SEC14L5: variants seen among roughly 807,000 people sequenced by gnomAD.
SEC14L5 encodes the protein SEC14 like lipid binding 5.
SEC14L5 carries 96 observed loss-of-function variants against 84.6 expected under a neutral mutation model. The ratio of observed to expected loss-of-function variants is 1.13; its 90% CI spans 0.96 to 1.34. SEC14L5 has a LOEUF of 1.34. Ranked by LOEUF, SEC14L5 falls within the 40% of genes most tolerant of loss-of-function variation. The pLI is 0.00. For missense variants in SEC14L5, 1,224 were observed against 942.5 expected, an observed-to-expected ratio of 1.30 and a Z score of -3.91; for synonymous variants, 546 against 383.4, an observed-to-expected ratio of 1.42 and a Z score of -4.95.
intron 2 of SEC14L5, among the ~76,000 whole-genome samples, chr16:4,969,337 C>A (rs752751095): frequency 1.4e-4 from 21 of 151,298 alleles, no homozygotes; most frequent in South Asian, 1.0e-3. Flanking sequence ...ATTCCTAGCA[C>A]TTCTTTTTTT....
At chr16:5,013,899 C>G (rs183832627) in intron 15 of SEC14L5, among the ~76,000 whole-genome samples, 23 of 151,996 alleles carry the variant, frequency 1.5e-4, no homozygotes, top group Admixed American at 3.3e-4. Context: ...CACTATTTTG[C>G]CCAGGCTGGT....
At chr16:4,961,229 C>T (rs191594648) in intron 2 of SEC14L5, among the ~76,000 whole-genome samples, 23 of 152,254 alleles carry the variant, frequency 1.5e-4, no homozygotes, top group East Asian at 1.4e-3. Flanking sequence ...GCCGAGATTG[C>T]GCCGCAACAC....
intron 11 of SEC14L5, among the ~76,000 whole-genome samples, chr16:5,004,645 C>T (rs946667212): frequency 1.3e-5 from 2 of 152,142 alleles, no homozygotes; most frequent in African/African-American, 4.8e-5. Context: ...CAGCACAGAG[C>T]GCAGTGGGGC....
rs1481306697 is a variant in SEC14L5 at position 5,018,762 on chromosome 16, T to A, written c.*3792T>A. 1.3e-5 allele frequency: 2 copies of A among 152,184 alleles called. No individual in the cohort carries two copies. The highest frequency in any genetic ancestry group is 2.4e-5 in the African/African-American group (1 of 41,432). 9.4% of individuals were successfully genotyped at this position (152,184 alleles called of 1,614,324 possible). The stretch of plus-strand genomic sequence containing the variant: ...CCCTTGGCAGTTAGAAAATGTTTTT[T>A]CCCAGAGGTTGAAGTATGGAGAGTT... On this transcript the variant is annotated 3_prime_UTR_variant, in exon 16 of 16. Transcript: ENST00000251170.
In SEC14L5 at chr16:4,987,723, C is replaced by A; in HGVS notation, c.213+17C>A. ...CTGCGGAAGGTGGGCGGCCCTGGGG[C>A]TGGGGGGCGGAGGAGGGGACCTGTT... On this transcript the variant is annotated intron_variant, in intron 3 of 15. Coordinates refer to ENST00000251170, the MANE Select transcript of SEC14L5 (RefSeq NM_014692.2). 6.8e-7 allele frequency: 1 copy of A among 1,465,280 alleles called. No homozygotes were observed. 90.8% of individuals were successfully genotyped at this position (1,465,280 alleles called of 1,614,324 possible).
At chr16:4,996,151 C>T (rs1955605872) in intron 6 of SEC14L5, among the ~76,000 whole-genome samples, 197 bp from the exon 7 acceptor site, 1 of 152,170 alleles carries the variant, frequency 6.6e-6, no homozygotes, top group African/African-American at 2.4e-5. Context: ...GATGCGTTTT[C>T]AGAACCCCCT....
At chr16:4,980,239 G>C (rs182184694) in intron 2 of SEC14L5, among the ~76,000 whole-genome samples, 1 of 152,338 alleles carries the variant, frequency 6.6e-6, no homozygotes, top group East Asian at 1.9e-4. Context: ...GTCCTCTGAT[G>C]CTGGACAACT....
intron 2 of SEC14L5, among the ~76,000 whole-genome samples, chr16:4,980,344 C>T (rs555207180): frequency 3.9e-5 from 6 of 152,306 alleles, no homozygotes; most frequent in Admixed American, 2.6e-4. Flanking sequence ...AAGTACCTTC[C>T]TTTCCTTTCG....
intron 2 of SEC14L5, 98 bp downstream of exon 2, chr16:4,959,484 C>A: frequency 1.9e-6 from 2 of 1,029,038 alleles, no homozygotes; most frequent in Non-Finnish European, 3.1e-6. Context: ...ACTCCCAGAT[C>A]AGAAGGAATT....
In SEC14L5 at chr16:5,015,345, T is replaced by C; in HGVS notation, c.*375T>C. 4.8e-6 allele frequency: 1 copy of C among 207,292 alleles called. No individual in the cohort carries two copies. Among genetic ancestry groups the C allele is most frequent in the East Asian group, 1.1e-4 (1 of 8,870 alleles). The allele number at this position is 207,292 out of a possible 1,614,324, so 12.8% of individuals were successfully genotyped here. A position where few individuals can be genotyped will look rare whatever the true frequency, so the allele number is the denominator to read the frequency against. ...AGGGGACCATCACTATCAGGTGCCC[T>C]TCTCCTCCCTGCAGCTTGCCTGCAT... On this transcript the variant is annotated 3_prime_UTR_variant, in exon 16 of 16. Coordinates refer to ENST00000251170, the MANE Select transcript of SEC14L5 (RefSeq NM_014692.2).
rs1280024166 is a variant in SEC14L5, at chr16:4,980,556, C to T, written c.64-7001C>T. On this transcript the variant is annotated intron_variant, in intron 2 of 15. Coordinates refer to ENST00000251170, the MANE Select transcript of SEC14L5 (RefSeq NM_014692.2). ...TCCTTGAGGCTCTTTGGGCCAAGTG[C>T]GTGTTATGTTCTTCTTTGCTGGTTA... Among the ~76,000 whole-genome samples, 5 of 152,108 alleles carry T rather than the reference C, an allele frequency of 3.3e-5. No individual in the cohort carries two copies. The East Asian group carries it at 5.8e-4, about 18-fold the overall frequency.
intron 2 of SEC14L5, among the ~76,000 whole-genome samples, chr16:4,980,031 C>A (rs1257841161): frequency 2.0e-5 from 3 of 152,202 alleles, no homozygotes; most frequent in African/African-American, 7.2e-5. Context: ...TCGTCTGGGT[C>A]AGACAGGCTC....
Position 4,991,792 on chromosome 16 carries a change from C to A in SEC14L5, c.475-46C>A, listed in dbSNP as rs374219052. The A allele has an allele frequency of 2.0e-5, 28 of 1,380,894 alleles. No individual in the cohort carries two copies. In the African/African-American group the frequency reaches 3.6e-4, roughly 18 times the overall value. The allele number at this position is 1,380,894 out of a possible 1,614,324, so 85.5% of individuals were successfully genotyped here. ...CCTGTGGTGATCCTGTGACCCCCCT[C>A]CATCCTGCCCCGTGCTCATGTGTCT... On this transcript the variant is annotated intron_variant, in intron 5 of 15. Transcript: ENST00000251170.
chr16:4,969,353 A>G (rs758888307), intron 2 of SEC14L5, among the ~76,000 whole-genome samples: 4 of 149,918 alleles, frequency 2.7e-5, no homozygotes, highest in Non-Finnish European at 5.9e-5. Context: ...TTTTTCTCCA[A>G]TGTCAGAGGC....
rs539317344 is a variant in SEC14L5, at chr16:4,964,250, T to C, written c.63+4864T>C. ...CGAAGGCCATGCTCTGCCCAGTCCA[T>C]TGTGAGTCGAGTCTAGGTTATTTGT... On this transcript the variant is annotated intron_variant, in intron 2 of 15. Transcript: ENST00000251170. Among the ~76,000 whole-genome samples the C allele has an allele frequency of 2.2e-4, 34 of 152,170 alleles. No homozygotes were observed. In the South Asian group the frequency reaches 5.8e-3, roughly 26 times the overall value.
At chr16:4,983,661 G>A (rs1032644993) in intron 2 of SEC14L5, among the ~76,000 whole-genome samples, 49 of 151,676 alleles carry the variant, frequency 3.2e-4, no homozygotes, top group African/African-American at 1.1e-3. Context: ...CGGATCACCC[G>A]AAGTCAGGAG....
At position 5,000,716 on chromosome 16, in the gene SEC14L5, C is replaced by T. The variant is rs770075768; in HGVS notation, c.1032C>T (p.Ala344=). The change falls in exon 9 of 16, where the codon GCC becomes GCT. Residue 344 remains alanine, a synonymous_variant. Transcript: ENST00000251170. ...TGGACACCAAAGGCTTGATGAAGGC[C>T]GTGGGGGAGGAGGCGCTGCTGCGGC... The part of the protein sequence containing the change: ...GQMDTKGLMK[A]VGEEALLRHV... 1.2e-5 allele frequency: 18 copies of T among 1,552,368 alleles called. No homozygotes were observed. The highest frequency in any genetic ancestry group is 6.8e-5 in the African/African-American group (5 of 73,084).
At chr16:5,008,301 G>C in intron 13 of SEC14L5, 120 bp from the exon 14 acceptor site, 2 of 700,940 alleles carry the variant, frequency 2.9e-6, no homozygotes. Context: ...TGTAAGGAAT[G>C]AGCGTGTGCC....
At chr16:4,989,296 GTGTTTTTTTTTTTGTTTGTTTGTTTGTTT>G (rs941537127) in intron 4 of SEC14L5, among the ~76,000 whole-genome samples, 1 of 136,864 alleles carries the variant, frequency 7.3e-6, no homozygotes, top group Non-Finnish European at 1.6e-5. Context: ...ACCATTGTAC[GTGTTTTTTTTTTTGTTTGTTTGTTTGTTT>G]TGTTTTTTTT....
Sources: allele counts gnomAD v4.1 joint callset (sites outside exome capture counted in the v4.1 genomes callset), GRCh38; gene constraint gnomAD v4.1.1; transcripts MANE v1.5; gene names NCBI Gene and HGNC (gene_info 2026-07-23, HGNC 2026-07-21).